Variants in SPON1 observed in about 807,000 individuals in gnomAD.
SPON1 encodes spondin-1.
A neutral mutation model predicts 111.7 loss-of-function variants in SPON1; 52 were observed. The ratio of observed to expected loss-of-function variants is 0.47; its 90% CI spans 0.37 to 0.59. SPON1 has a LOEUF of 0.59. Among genes scored for constraint, SPON1 ranks in the 20% least tolerant of loss-of-function variants. SPON1 has a pLI of 0.00. For missense variants in SPON1, 957 were observed against 1,068.5 expected, an observed-to-expected ratio of 0.90 and a Z score of 1.46; for synonymous variants, 410 against 395.8, an observed-to-expected ratio of 1.04 and a Z score of -0.43.
At position 13,962,817 on chromosome 11, in the gene SPON1, G is replaced by T. The variant is rs7122836; in HGVS notation, c.-88G>T. ...AGCTCCCTCTCTCCGCCGCGCCTCC[G>T]CCAGGTCGCGCCTTCGTCGGGACCA... On this transcript the variant is annotated 5_prime_UTR_variant, in exon 1 of 16. Transcript: ENST00000576479. 0.21 allele frequency: 262,286 copies of T among 1,253,012 alleles called. 28,068 individuals are homozygous for T. The highest frequency in any genetic ancestry group is 0.28 in the Admixed American group (7,795 of 28,332). The allele number at this position is 1,253,012 out of a possible 1,614,324, so 77.6% of individuals were successfully genotyped here.
chr11:13,986,447 A>T (rs868930870), intron 2 of SPON1, among the ~76,000 whole-genome samples: 3 of 151,324 alleles, frequency 2.0e-5, no homozygotes, highest in African/African-American at 7.4e-5. Flanking sequence ...TGTAATGATC[A>T]AGTCAAATAT....
Position 14,075,387 on chromosome 11 carries a change from G to A in SPON1, c.522G>A (p.Glu174=). The change falls in exon 4 of 16, where the codon GAG becomes GAA. Residue 174 remains glutamate (E), a synonymous_variant. Coordinates refer to ENST00000576479, the MANE Select transcript of SPON1 (RefSeq NM_006108.4). ...VQKRIIYFQD[E]GSLTKKLCEQ... Reference sequence around the variant, plus strand: ...AACGCATTATTTATTTTCAAGATGAGGGCTCTCTGACCAAGAAACTTTGTG... The same window carrying A: ...AACGCATTATTTATTTTCAAGATGAAGGCTCTCTGACCAAGAAACTTTGTG... 1 of 1,560,230 alleles carries A rather than the reference G, an allele frequency of 6.4e-7. No homozygotes were observed. Among genetic ancestry groups the A allele is most frequent in the African/African-American group, 1.4e-5 (1 of 73,770 alleles).
At chr11:14,050,601 A>T (rs946031880) in intron 3 of SPON1, among the ~76,000 whole-genome samples, 2 of 152,110 alleles carry the variant, frequency 1.3e-5, no homozygotes, top group Non-Finnish European at 2.9e-5. Flanking sequence ...CTAAAAGCCC[A>T]GCTGAGACCT....
rs1488760107 is a variant in SPON1, at chr11:14,158,547, T to C, written c.825+22979T>C. Among the ~76,000 whole-genome samples, 3 of 152,142 alleles carry C rather than the reference T, an allele frequency of 2.0e-5. No individual in the cohort carries two copies. The South Asian group carries it at 6.2e-4, about 31-fold the overall frequency. ...AGTCTTATGAGACTGATGAAAGCTG[T>C]ACTCAGCTTCTCAGCCTCTTAGCCT... On this transcript the variant is annotated intron_variant, in intron 6 of 15. Transcript: ENST00000576479.
At chr11:14,097,990 G>A (rs1554924041) in intron 5 of SPON1, among the ~76,000 whole-genome samples, 1 of 151,916 alleles carries the variant, frequency 6.6e-6, no homozygotes. Context: ...TTTTTTAATG[G>A]GTGTTGCATT....
At chr11:14,093,348 G>C (rs1849073944) in intron 5 of SPON1, among the ~76,000 whole-genome samples, 2 of 152,192 alleles carry the variant, frequency 1.3e-5, no homozygotes, top group Admixed American at 1.3e-4. Flanking sequence ...TTACCTAAAA[G>C]ATGCTGAGTC....
intron 3 of SPON1, among the ~76,000 whole-genome samples, chr11:14,068,277 G>A (rs1554920550): frequency 6.6e-6 from 1 of 152,122 alleles, no homozygotes; most frequent in Non-Finnish European, 1.5e-5. Flanking sequence ...TATTGAAGAG[G>A]AAATAAACTG....
chr11:14,017,029 CTT>C (rs1324522083), intron 2 of SPON1, among the ~76,000 whole-genome samples: 1 of 152,184 alleles, frequency 6.6e-6, no homozygotes, highest in Admixed American at 6.5e-5. Flanking sequence ...GTAAGGGAAA[CTT>C]TTGTATGTTC....
rs1270694951 is a variant in SPON1, at chr11:14,160,772, ATATATATTTTTATATATATT to A, written c.825+25226_825+25245del. Reference sequence around the variant, plus strand: ...TATATTTATATATATTTATATATTTATATATATTTTTATATATATTTATATATTTTTATATATATTTTTAT... The same window carrying A: ...TATATTTATATATATTTATATATTTATATATATTTTTATATATATTTTTAT... On this transcript the variant is annotated intron_variant, in intron 6 of 15. Coordinates refer to ENST00000576479, the MANE Select transcript of SPON1 (RefSeq NM_006108.4). 9.2e-3 allele frequency among the ~76,000 whole-genome samples: 384 copies of A among 41,806 alleles called. 65 individuals carry two copies. Among genetic ancestry groups the A allele is most frequent in the African/African-American group, 0.036 (373 of 10,470 alleles). 27.4% of individuals were successfully genotyped at this position (41,806 alleles called of 152,430 possible).
At chr11:14,087,294 T>G (rs1442428646) in intron 5 of SPON1, among the ~76,000 whole-genome samples, 2 of 152,200 alleles carry the variant, frequency 1.3e-5, no homozygotes, top group African/African-American at 4.8e-5. Context: ...GCTTATAAAT[T>G]TCCCTCTTAA....
At chr11:14,028,088 C>T (rs183174766) in intron 2 of SPON1, among the ~76,000 whole-genome samples, 1 of 152,144 alleles carries the variant, frequency 6.6e-6, no homozygotes, top group African/African-American at 2.4e-5. Context: ...TAATACAGAC[C>T]CCCTACTTGC....
Position 14,259,440 on chromosome 11 carries a change from C to A in SPON1, c.1653C>A (p.Asn551Lys). The change falls in exon 12 of 16, where the codon AAC (asparagine) becomes AAA (lysine). Residue 551 changes from asparagine (N) to lysine (K), a missense_variant. Physicochemically the swap from Asn to Lys is moderately conservative, Grantham distance 94 (BLOSUM62 0). Around this residue, in one of 5 missense-constraint regions of SPON1, gnomAD observed 549 missense variants for 606.2 expected, o/e 0.91. Transcript: ENST00000576479. The surrounding 1 kb of genome is among the most constrained non-coding windows in gnomAD (Gnocchi z 5.0). ...PTEETEKCTVNEECSPSSCLM... is the reference protein window; with the variant it reads ...PTEETEKCTVKEECSPSSCLM... ...AGGAAACGGAGAAGTGCACGGTCAA[C>A]GAGGAGTGCTGTGAGTGGGGGCCCC... is the stretch of plus-strand genomic sequence containing the variant. 6.2e-7 allele frequency: 1 copy of A among 1,608,544 alleles called. No homozygotes were observed. Among genetic ancestry groups the A allele is most frequent in the Non-Finnish European group, 8.5e-7 (1 of 1,177,878 alleles).
rs1847541443 is a variant in SPON1, at chr11:14,132,683, G to A, written c.677-2737G>A. ...TAATGGAAGTTACAAGAATAAGCCA[G>A]AAAACTCCATCTGGGTCCCTCCCCT... On this transcript the variant is annotated intron_variant, in intron 5 of 15. Transcript: ENST00000576479. Among the ~76,000 whole-genome samples the A allele has an allele frequency of 2.6e-5, 4 of 152,162 alleles. No individual in the cohort carries two copies. The South Asian group carries it at 6.2e-4, about 24-fold the overall frequency.
intron 1 of SPON1, among the ~76,000 whole-genome samples, chr11:13,977,089 T>A (rs1223322033): frequency 1.3e-5 from 2 of 152,250 alleles, no homozygotes; most frequent in Non-Finnish European, 2.9e-5. Context: ...ACAATTTATA[T>A]ACCTATTCTA....
chr11:14,147,326 G>A (rs1591388882), intron 6 of SPON1, among the ~76,000 whole-genome samples: 1 of 151,938 alleles, frequency 6.6e-6, no homozygotes, highest in East Asian at 1.9e-4. Flanking sequence ...GAGTCACTGC[G>A]CCTGGCTGGA....
At chr11:14,263,116 T>G in intron 15 of SPON1, 141 bp downstream of exon 15, 5 of 880,190 alleles carry the variant, frequency 5.7e-6, no homozygotes, top group Non-Finnish European at 8.4e-6. Context: ...CAGGCCACAT[T>G]TTGATTCTTT....
chr11:14,164,378 T>G (rs1848002980), intron 6 of SPON1, among the ~76,000 whole-genome samples: 1 of 152,162 alleles, frequency 6.6e-6, no homozygotes, highest in East Asian at 1.9e-4. Flanking sequence ...CAGCTTCTCT[T>G]GAGATAGCCA....
chr11:14,139,395 A>G (rs78923144), intron 6 of SPON1, among the ~76,000 whole-genome samples: 273 of 152,250 alleles, frequency 1.8e-3, no homozygotes, highest in Non-Finnish European at 3.2e-3. Flanking sequence ...TCCTTCTCCT[A>G]TTGTTAGCAT....
chr11:14,089,294 T>C (rs782152851), intron 5 of SPON1, among the ~76,000 whole-genome samples: 1 of 152,212 alleles, frequency 6.6e-6, no homozygotes, highest in Non-Finnish European at 1.5e-5. Context: ...TTGAGGCTGA[T>C]GACCTTTGGA....
Sources: gnomAD v4.1 joint callset for allele counts (sites outside exome capture counted in the v4.1 genomes callset) on GRCh38, gnomAD v4.1.1 for gene constraint, gnomAD v4.1.1 regional missense constraint, Gnocchi (gnomAD v3.1) non-coding constraint, MANE v1.5 for transcripts, NCBI Gene and HGNC (gene_info 2026-07-23, HGNC 2026-07-21) for gene names.